Variants in JADE3 observed in about 807,000 individuals in gnomAD.
JADE3 encodes the protein protein Jade-3.
Under a neutral mutation model 50.1 loss-of-function variants are expected in JADE3, and 2 were observed. That is an observed-to-expected ratio of 0.04 (90% CI 0.02 to 0.13). The LOEUF (loss-of-function observed/expected upper bound fraction) is 0.13. JADE3 is among the 10% of genes least tolerant of loss of function. The probability of loss-of-function intolerance (pLI) is 1.00; values close to 1 mark genes in which losing one functional copy is unlikely to be tolerated. For missense variants in JADE3, 475 were observed against 634.4 expected (o/e 0.75, Z 2.70); for synonymous variants, 218 against 232.9 (o/e 0.94, Z 0.58).
chrX:47,001,737 A>G (rs1744407343), intron 4 of JADE3, among the ~76,000 whole-genome samples: 1 of 112,142 alleles, frequency 8.9e-6, no homozygotes, highest in African/African-American at 3.2e-5. Context: ...ATGTCCTTCA[A>G]CAGATTTTCA....
chrX:47,052,395 G>A (rs1181824639), intron 8 of JADE3, among the ~76,000 whole-genome samples: 1 of 109,565 alleles, frequency 9.1e-6, no homozygotes, highest in Non-Finnish European at 1.9e-5. Flanking sequence ...ACTTTGGCAT[G>A]CTGAGGCGGG....
At chrX:46,985,087 T>C (rs1044741174) in intron 2 of JADE3, 147 bp downstream of exon 2, 2 of 467,351 alleles carry the variant, frequency 4.3e-6, no homozygotes, top group Non-Finnish European at 7.5e-6. Flanking sequence ...CATTATCTTA[T>C]TTAAATTTCA....
intron 1 of JADE3, among the ~76,000 whole-genome samples, chrX:46,971,431 A>G (rs1235123130): frequency 2.7e-5 from 3 of 109,759 alleles, no homozygotes; most frequent in Non-Finnish European, 3.8e-5. Flanking sequence ...TTTTGAATAT[A>G]TGTACATAAA....
chrX:46,914,195 A>G (rs1926032131), intron 1 of JADE3, among the ~76,000 whole-genome samples: 2 of 111,878 alleles, frequency 1.8e-5, no homozygotes, highest in Admixed American at 9.4e-5. Flanking sequence ...CCCTTTAGCC[A>G]CTTCTTGTCA....
chrX:46,995,335 T>G (rs1556357140), intron 3 of JADE3, among the ~76,000 whole-genome samples: 2 of 111,448 alleles, frequency 1.8e-5, no homozygotes, highest in Non-Finnish European at 3.8e-5. Context: ...GGCCTAAGAT[T>G]TTTTAATTAT....
At chrX:46,959,120 G>C (rs782239034) in intron 1 of JADE3, among the ~76,000 whole-genome samples, 59 of 112,254 alleles carry the variant, frequency 5.3e-4, no homozygotes, top group African/African-American at 1.9e-3. Context: ...ATTAGCCTAA[G>C]TAACAGAAAG....
chrX:46,926,020 T>C (rs1926354460), intron 1 of JADE3, among the ~76,000 whole-genome samples: 1 of 85,115 alleles, frequency 1.2e-5, no homozygotes, highest in African/African-American at 4.0e-5. Flanking sequence ...CATGCCCAGC[T>C]AATTTTATTT....
At chrX:47,011,427 C>T (rs1245103488) in intron 4 of JADE3, among the ~76,000 whole-genome samples, 3 of 111,710 alleles carry the variant, frequency 2.7e-5, no homozygotes, top group African/African-American at 6.5e-5. Context: ...TGGGCTGTTA[C>T]GAATAATGGT....
At chrX:46,980,194 T>C (rs373923893) in intron 1 of JADE3, among the ~76,000 whole-genome samples, 1 of 111,458 alleles carries the variant, frequency 9.0e-6, no homozygotes, top group Non-Finnish European at 1.9e-5. Flanking sequence ...TCTTGATTTT[T>C]AATTAGGTCA....
intron 1 of JADE3, among the ~76,000 whole-genome samples, chrX:46,924,824 C>T (rs781913130): frequency 8.9e-6 from 1 of 112,171 alleles, no homozygotes; most frequent in East Asian, 2.8e-4. Flanking sequence ...CAGTAATTTG[C>T]GTCACTGAAA....
chrX:46,927,844 G>A (rs781932665), intron 1 of JADE3, among the ~76,000 whole-genome samples: 11 of 111,883 alleles, frequency 9.8e-5, no homozygotes, highest in Admixed American at 1.9e-4. Context: ...AGTCTGAGCA[G>A]GCACCAAGGG....
At chrX:47,023,300 T>A (rs1312728989) in intron 4 of JADE3, among the ~76,000 whole-genome samples, 1 of 111,311 alleles carries the variant, frequency 9.0e-6, no homozygotes, top group African/African-American at 3.3e-5. Flanking sequence ...TGTGTGTTGT[T>A]CCCCCTACCA....
intron 6 of JADE3, among the ~76,000 whole-genome samples, chrX:47,029,159 C>T (rs1386549459): frequency 1.8e-5 from 2 of 111,685 alleles, no homozygotes; most frequent in East Asian, 5.6e-4. Flanking sequence ...GCCAATTTAG[C>T]ATCATATGCC....
At chrX:47,006,009 G>A (rs1402460270) in intron 4 of JADE3, among the ~76,000 whole-genome samples, 4 of 111,386 alleles carry the variant, frequency 3.6e-5, no homozygotes, top group African/African-American at 1.3e-4. Flanking sequence ...AAATGTCTAG[G>A]TTTTAGTAAA....
At chrX:47,015,621 G>C (rs1928655220) in intron 4 of JADE3, among the ~76,000 whole-genome samples, 1 of 107,210 alleles carries the variant, frequency 9.3e-6, no homozygotes, top group Non-Finnish European at 1.9e-5. Context: ...TAATACAATA[G>C]TAAATTAAGT....
intron 1 of JADE3, among the ~76,000 whole-genome samples, chrX:46,979,847 G>A (rs781860571): frequency 3.0e-5 from 3 of 99,999 alleles, no homozygotes; most frequent in Admixed American, 1.1e-4. Flanking sequence ...TGCCATTTGC[G>A]TTCCTCTTTG....
At chrX:47,015,904 A>G (rs1556362781) in intron 4 of JADE3, among the ~76,000 whole-genome samples, 1 of 109,200 alleles carries the variant, frequency 9.2e-6, no homozygotes, top group African/African-American at 3.3e-5. Flanking sequence ...ATCTTAATAC[A>G]ATGAAGTCTT....
intron 6 of JADE3, among the ~76,000 whole-genome samples, chrX:47,032,060 AC>A (rs1342951269): frequency 9.0e-6 from 1 of 110,686 alleles, no homozygotes; most frequent in African/African-American, 3.3e-5. Flanking sequence ...TATGCAAACA[AC>A]AGTTGACCAT....
At chrX:46,975,723 T>C (rs1374707035) in intron 1 of JADE3, among the ~76,000 whole-genome samples, 3 of 80,809 alleles carry the variant, frequency 3.7e-5, no homozygotes, top group Non-Finnish European at 7.1e-5. Flanking sequence ...TCTTTTTTTT[T>C]TTTTTTTTTT....
Sources: allele counts gnomAD v4.1 joint callset (sites outside exome capture counted in the v4.1 genomes callset), GRCh38; gene constraint gnomAD v4.1.1; transcripts MANE v1.5; gene names NCBI Gene and HGNC (gene_info 2026-07-23, HGNC 2026-07-21).